The following DOCK8 variants were observed in gnomAD, a reference collection of about 807,000 sequenced individuals.
DOCK8 encodes the protein dedicator of cytokinesis 8.
DOCK8 carries 141 observed loss-of-function variants against 245.6 expected under a neutral mutation model. That is an observed-to-expected ratio of 0.57 (90% CI 0.50 to 0.66). The LOEUF is 0.66. Among genes scored for constraint, DOCK8 ranks in the 30% least tolerant of loss-of-function variants. The pLI is 0.00. For missense variants in DOCK8, 2,965 were observed against 2,603.4 expected, an observed-to-expected ratio of 1.14 and a Z score of -3.02; for synonymous variants, 1,168 against 970.2, an observed-to-expected ratio of 1.20 and a Z score of -3.79.
rs547594787 is a variant in DOCK8 at position 312,689 on chromosome 9, ACTT to A, written c.741+528_741+530del. On this transcript the variant is annotated intron_variant, in intron 6 of 47. Transcript: ENST00000432829. ...TAGAACTTTGGGATCTTGATTGTTT[ACTT>A]CTTCATTTATTGGAGCTGACTGACA... 2.5e-3 allele frequency: 863 copies of A among 342,852 alleles called. 20 individuals carry two copies. The highest frequency in any genetic ancestry group is 0.02 in the South Asian group (844 of 43,272). The allele number at this position is 342,852 out of a possible 1,614,324, so 21.2% of individuals were successfully genotyped here.
At chr9:363,884 G>C (rs1449426495) in intron 14 of DOCK8, among the ~76,000 whole-genome samples, 1 of 152,160 alleles carries the variant, frequency 6.6e-6, no homozygotes, top group Admixed American at 6.5e-5. Flanking sequence ...GAGTGTAAGA[G>C]ACAAGTGTGG....
At chr9:306,129 C>G (rs1211983845) in intron 5 of DOCK8, among the ~76,000 whole-genome samples, 1 of 152,178 alleles carries the variant, frequency 6.6e-6, no homozygotes, top group Non-Finnish European at 1.5e-5. Flanking sequence ...TTGCACAGAA[C>G]TTCTTGTAAA....
At chr9:355,015 A>G (rs1331928522) in intron 14 of DOCK8, among the ~76,000 whole-genome samples, 1 of 152,164 alleles carries the variant, frequency 6.6e-6, no homozygotes, top group Non-Finnish European at 1.5e-5. Flanking sequence ...AAGCAGAATC[A>G]TTGGTTATTT....
chr9:300,664 A>G (rs1346900712), intron 4 of DOCK8, among the ~76,000 whole-genome samples: 2 of 152,156 alleles, frequency 1.3e-5, no homozygotes, highest in Non-Finnish European at 2.9e-5. Context: ...CAAAAATGAC[A>G]CTACAACTGA....
rs575913590 is a variant in DOCK8 at position 384,776 on chromosome 9, C to T, written c.2779-1555C>T. 2.5e-3 allele frequency among the ~76,000 whole-genome samples: 382 copies of T among 152,192 alleles called. 1 individual carries two copies. The highest frequency in any genetic ancestry group is 8.8e-3 in the African/African-American group (367 of 41,510). The stretch of plus-strand genomic sequence containing the variant: ...CTAAAAATACAAAAAATTAGCCGGG[C>T]GTGGTGGCGGGCGCCTGTAATCCCA... On this transcript the variant is annotated intron_variant, in intron 22 of 47. Transcript: ENST00000432829.
chr9:449,670 G>C, intron 44 of DOCK8, 114 bp from the exon 45 acceptor site: 1 of 1,338,936 alleles, frequency 7.5e-7, no homozygotes, highest in Non-Finnish European at 1.1e-6. Context: ...TACTCTGAAA[G>C]TCTTTCCCTA....
At chr9:255,294 A>T (rs2047742402) in intron 1 of DOCK8, among the ~76,000 whole-genome samples, 2 of 152,210 alleles carry the variant, frequency 1.3e-5, no homozygotes, top group African/African-American at 4.8e-5. Context: ...AGGTAATAAG[A>T]AAGAAATCAC....
At chr9:347,851 G>A (rs753611521) in intron 14 of DOCK8, among the ~76,000 whole-genome samples, 3 of 152,178 alleles carry the variant, frequency 2.0e-5, no homozygotes, top group South Asian at 2.1e-4. Flanking sequence ...GGTTATGACA[G>A]CAAAGCTACC....
intron 5 of DOCK8, among the ~76,000 whole-genome samples, chr9:306,644 A>G (rs1170345628): frequency 2.0e-5 from 3 of 152,102 alleles, no homozygotes; most frequent in Non-Finnish European, 4.4e-5. Flanking sequence ...GCTTCATCAG[A>G]ATCTCCCAGA....
At position 455,587 on chromosome 9, in the gene DOCK8, C is replaced by G. The variant is rs973635167; in HGVS notation, c.6068+3470C>G. ...CCTGAAGCACTGCATTTCTAACAGG[C>G]CCCCAGGTGATGCTGCTGCTGCTAC... On this transcript the variant is annotated intron_variant, in intron 46 of 47. Coordinates refer to ENST00000432829, the MANE Select transcript of DOCK8 (RefSeq NM_203447.4). 3.9e-5 allele frequency among the ~76,000 whole-genome samples: 6 copies of G among 152,156 alleles called. No individual in the cohort carries two copies. The East Asian group carries it at 1.2e-3, about 29-fold the overall frequency.
chr9:410,697 A>G (rs2131577156), intron 28 of DOCK8, among the ~76,000 whole-genome samples: 2 of 152,382 alleles, frequency 1.3e-5, no homozygotes, highest in South Asian at 4.1e-4. Context: ...CAAAGCAGGA[A>G]GATGGCAGGG....
chr9:263,974 C>T (rs1023307992), intron 1 of DOCK8, among the ~76,000 whole-genome samples: 4 of 152,182 alleles, frequency 2.6e-5, no homozygotes, highest in South Asian at 2.1e-4. Context: ...TATGAAGCTG[C>T]GTCTGGTATT....
chr9:259,275 C>G (rs1454319203), intron 1 of DOCK8, among the ~76,000 whole-genome samples: 1 of 152,050 alleles, frequency 6.6e-6, no homozygotes, highest in African/African-American at 2.4e-5. Context: ...TGCACTCAGC[C>G]TGGGTGACAG....
At chr9:442,755 G>C (rs2057132751) in intron 42 of DOCK8, among the ~76,000 whole-genome samples, 1 of 152,076 alleles carries the variant, frequency 6.6e-6, no homozygotes, top group Non-Finnish European at 1.5e-5. Context: ...AGCAGGACTG[G>C]GGTCCTTTGA....
intron 29 of DOCK8, among the ~76,000 whole-genome samples, chr9:415,458 G>A (rs772656204): frequency 6.6e-6 from 1 of 152,130 alleles, no homozygotes; most frequent in Non-Finnish European, 1.5e-5. Context: ...TTGGCACTAA[G>A]TGACTAATTT....
At chr9:441,143 G>C in intron 40 of DOCK8, 143 bp from the exon 41 acceptor site, 1 of 1,249,688 alleles carries the variant, frequency 8.0e-7, no homozygotes, top group South Asian at 1.2e-5. Context: ...AAAGTGCTCA[G>C]ATACCCCTTC....
intron 45 of DOCK8, 52 bp from the exon 46 acceptor site, chr9:451,955 GTATA>G (rs564265852): frequency 0.011 from 3,975 of 360,218 alleles, 63 homozygotes; most frequent in South Asian, 0.022. Flanking sequence ...GTGTGTGTGT[GTATA>G]TATATATATA....
intron 23 of DOCK8, among the ~76,000 whole-genome samples, chr9:388,581 CACTT>C (rs199855028): frequency 0.032 from 4,847 of 150,040 alleles, 161 homozygotes; most frequent in African/African-American, 0.089. Flanking sequence ...AACAGAGTCT[CACTT>C]ACTCTGTCAC....
intron 14 of DOCK8, among the ~76,000 whole-genome samples, chr9:364,024 C>A (rs16935122): frequency 6.6e-6 from 1 of 152,068 alleles, no homozygotes; most frequent in Non-Finnish European, 1.5e-5. Flanking sequence ...GATTGATAGG[C>A]GCCTTTTAAT....
Sources: gnomAD v4.1 joint callset for allele counts (sites outside exome capture counted in the v4.1 genomes callset) on GRCh38, gnomAD v4.1.1 for gene constraint, MANE v1.5 for transcripts, NCBI Gene and HGNC (gene_info 2026-07-23, HGNC 2026-07-21) for gene names.